The following SYT9 variants were observed in gnomAD, a reference collection of about 807,000 sequenced individuals.
The protein encoded by SYT9 is synaptotagmin 9.
SYT9 carries 22 observed loss-of-function variants against 48.4 expected under a neutral mutation model. The observed-to-expected ratio is 0.45, with a 90% confidence interval of 0.32 to 0.65. SYT9 has a LOEUF of 0.65. Among genes scored for constraint, SYT9 ranks in the 30% least tolerant of loss-of-function variants. The probability of loss-of-function intolerance (pLI) is 0.03; values close to 1 mark genes in which losing one functional copy is unlikely to be tolerated. For synonymous variants in SYT9, 265 were observed against 245.0 expected, an observed-to-expected ratio of 1.08 and a Z score of -0.76; for missense variants, 577 against 622.0, an observed-to-expected ratio of 0.93 and a Z score of 0.77.
At chr11:7,419,324 A>G (rs1207255893) in intron 5 of SYT9, among the ~76,000 whole-genome samples, 1 of 152,188 alleles carries the variant, frequency 6.6e-6, no homozygotes, top group African/African-American at 2.4e-5. Context: ...GGCAGAATTC[A>G]TGGGGCTTCT....
At chr11:7,396,251 A>C (rs1193854828) in intron 3 of SYT9, among the ~76,000 whole-genome samples, 1 of 152,106 alleles carries the variant, frequency 6.6e-6, no homozygotes, top group East Asian at 1.9e-4. Context: ...GGTCTCCTGC[A>C]TCCGCCAATC....
intron 6 of SYT9, among the ~76,000 whole-genome samples, chr11:7,466,460 C>T (rs1193176659): frequency 2.6e-5 from 4 of 152,138 alleles, no homozygotes; most frequent in Non-Finnish European, 4.4e-5. Flanking sequence ...CAGTGACTCA[C>T]GCCTGTAATC....
intron 3 of SYT9, among the ~76,000 whole-genome samples, chr11:7,362,166 A>G (rs576097761): frequency 1.5e-5 from 2 of 135,902 alleles, no homozygotes; most frequent in Non-Finnish European, 3.1e-5. Context: ...TTTTTTTGAG[A>G]TGGAGTCTCC....
At chr11:7,382,794 T>C (rs12099025) in intron 3 of SYT9, among the ~76,000 whole-genome samples, 1,884 of 152,272 alleles carry the variant, frequency 0.012, 38 homozygotes, top group African/African-American at 0.041. Context: ...TAGTCCTAGG[T>C]AATTAGACCT....
intron 3 of SYT9, among the ~76,000 whole-genome samples, chr11:7,391,735 TA>T (rs71059104): frequency 0.28 from 9,654 of 34,954 alleles, 928 homozygotes; most frequent in Non-Finnish European, 0.34. Flanking sequence ...ACCCCATCTC[TA>T]AAAAAAAAAA....
chr11:7,242,863 T>C (rs1004216215), intron 1 of SYT9, among the ~76,000 whole-genome samples: 5 of 151,472 alleles, frequency 3.3e-5, no homozygotes, highest in African/African-American at 1.2e-4. Flanking sequence ...CTGACCAACA[T>C]GGTGAAACCC....
intron 6 of SYT9, among the ~76,000 whole-genome samples, chr11:7,458,977 G>C (rs760421832): frequency 2.0e-5 from 3 of 152,222 alleles, no homozygotes; most frequent in Non-Finnish European, 2.9e-5. Context: ...CCCATTAGGA[G>C]TCTACTGCTA....
Position 7,467,413 on chromosome 11 carries a change from A to T in SYT9, c.*613A>T, listed in dbSNP as rs1027971009. 2 of 152,404 alleles carry T rather than the reference A, an allele frequency of 1.3e-5. No homozygotes were observed. The highest frequency in any genetic ancestry group is 4.8e-5 in the African/African-American group (2 of 41,438). The allele number at this position is 152,404 out of a possible 1,614,324, so 9.4% of individuals were successfully genotyped here. ...TGCAAGGAGGGCTAGTTCACAGCAA[A>T]TTCACTGCCTCCTCCCATGCACGTG... On this transcript the variant is annotated 3_prime_UTR_variant, in exon 7 of 7. Coordinates refer to ENST00000318881, the MANE Select transcript of SYT9 (RefSeq NM_175733.4).
chr11:7,319,415 T>G (rs926596129), intron 3 of SYT9, among the ~76,000 whole-genome samples: 16 of 147,890 alleles, frequency 1.1e-4, no homozygotes, highest in Middle Eastern at 3.4e-3. Context: ...TTTCATTGTC[T>G]TCTGACCTCC....
chr11:7,359,000 C>T lies in SYT9; in HGVS notation c.1044+45059C>T, dbSNP rs189728568. 1.1e-3 allele frequency among the ~76,000 whole-genome samples: 160 copies of T among 152,110 alleles called. 1 individual carries two copies. Among genetic ancestry groups the T allele is most frequent in the African/African-American group, 3.6e-3 (148 of 41,498 alleles). On this transcript the variant is annotated intron_variant, in intron 3 of 6. Coordinates refer to ENST00000318881, the MANE Select transcript of SYT9 (RefSeq NM_175733.4). ...TATCTCCCAATGCTATTCCTCCCCC[C>T]TCCCCTCACCCCACAACAGTCCCCA...
At chr11:7,361,092 A>G (rs996249375) in intron 3 of SYT9, among the ~76,000 whole-genome samples, 2 of 151,982 alleles carry the variant, frequency 1.3e-5, no homozygotes, top group Non-Finnish European at 2.9e-5. Context: ...GATTCTTTTT[A>G]TCAAGGAAAT....
At chr11:7,389,180 A>T (rs1033350932) in intron 3 of SYT9, among the ~76,000 whole-genome samples, 1 of 152,090 alleles carries the variant, frequency 6.6e-6, no homozygotes, top group African/African-American at 2.4e-5. Flanking sequence ...AATACAGAAA[A>T]CTGTAACTCT....
At chr11:7,458,338 G>C (rs528424354) in intron 6 of SYT9, among the ~76,000 whole-genome samples, 1 of 152,170 alleles carries the variant, frequency 6.6e-6, no homozygotes, top group Admixed American at 6.6e-5. Flanking sequence ...AAAATTAGCC[G>C]GGCATGGTGG....
intron 6 of SYT9, chr11:7,453,935 A>C (rs2043890690): frequency 3.1e-6 from 3 of 952,534 alleles, no homozygotes; most frequent in Non-Finnish European, 3.7e-6. Context: ...CAGGAGCACC[A>C]GGGAAGAGGC....
At chr11:7,298,558 A>C (rs1848854695) in intron 1 of SYT9, among the ~76,000 whole-genome samples, 1 of 151,742 alleles carries the variant, frequency 6.6e-6, no homozygotes, top group Non-Finnish European at 1.5e-5. Context: ...GGCCCTTCAC[A>C]GTTTAGGAAG....
At chr11:7,267,928 T>C (rs2119818344) in intron 1 of SYT9, among the ~76,000 whole-genome samples, 1 of 151,744 alleles carries the variant, frequency 6.6e-6, no homozygotes, top group Non-Finnish European at 1.5e-5. Context: ...CAGAAGACAA[T>C]AGAAAGCACA....
At chr11:7,348,965 C>T (rs983480229) in intron 3 of SYT9, among the ~76,000 whole-genome samples, 7 of 151,906 alleles carry the variant, frequency 4.6e-5, no homozygotes, top group East Asian at 1.9e-4. Flanking sequence ...CACAGCTAGG[C>T]GGGCTGGGGG....
At chr11:7,307,766 G>C (rs1165429643) in intron 2 of SYT9, among the ~76,000 whole-genome samples, 1 of 152,242 alleles carries the variant, frequency 6.6e-6, no homozygotes, top group African/African-American at 2.4e-5. Flanking sequence ...GGATCAATGG[G>C]AATGAAAAGA....
At chr11:7,412,493 G>A (rs976789142) in intron 3 of SYT9, among the ~76,000 whole-genome samples, 1 of 152,334 alleles carries the variant, frequency 6.6e-6, no homozygotes, top group African/African-American at 2.4e-5. Context: ...AGCTTAGGGT[G>A]TGGTTATTAG....
Sources: allele counts gnomAD v4.1 joint callset (sites outside exome capture counted in the v4.1 genomes callset), GRCh38; gene constraint gnomAD v4.1.1; transcripts MANE v1.5; gene names NCBI Gene and HGNC (gene_info 2026-07-23, HGNC 2026-07-21).